ME3: variants seen among roughly 807,000 people sequenced by gnomAD.
The protein encoded by ME3 is NADP-dependent malic enzyme, mitochondrial.
Under a neutral mutation model 68.9 loss-of-function variants are expected in ME3, and 48 were observed. That is an observed-to-expected ratio of 0.70 (90% CI 0.55 to 0.89). The LOEUF is 0.89. Among genes scored for constraint, ME3 ranks in the 40% least tolerant of loss-of-function variants. The probability of loss-of-function intolerance (pLI) is 0.00; values close to 1 mark genes in which losing one functional copy is unlikely to be tolerated. For synonymous variants in ME3, 320 were observed against 318.8 expected, an observed-to-expected ratio of 1.00 and a Z score of -0.04; for missense variants, 675 against 797.4, an observed-to-expected ratio of 0.85 and a Z score of 1.85.
At chr11:86,653,944 G>T (rs1343736030) in intron 2 of ME3, among the ~76,000 whole-genome samples, 1 of 152,000 alleles carries the variant, frequency 6.6e-6, no homozygotes, top group Non-Finnish European at 1.5e-5. Flanking sequence ...AATACAAACT[G>T]CCATCAGAGA....
intron 2 of ME3, among the ~76,000 whole-genome samples, chr11:86,616,871 G>A (rs557468443): frequency 1.3e-5 from 2 of 152,204 alleles, no homozygotes; most frequent in East Asian, 3.9e-4. Flanking sequence ...TCCAAAGAAA[G>A]TCTGGAGTTT....
chr11:86,603,099 G>A (rs551624739), intron 2 of ME3, among the ~76,000 whole-genome samples: 2 of 152,152 alleles, frequency 1.3e-5, no homozygotes, highest in Non-Finnish European at 2.9e-5. Context: ...TTGACAAGTG[G>A]TATCTAATTA....
chr11:86,465,029 C>T (rs1161284406), intron 8 of ME3, 62 bp downstream of exon 8: 1 of 1,343,028 alleles, frequency 7.4e-7, no homozygotes, highest in East Asian at 2.3e-5. Context: ...CTTTGGCATC[C>T]CAGTGAGGTT....
intron 8 of ME3, among the ~76,000 whole-genome samples, chr11:86,459,971 A>G (rs1313363114): frequency 6.6e-6 from 1 of 152,218 alleles, no homozygotes; most frequent in Non-Finnish European, 1.5e-5. Context: ...GGTGGAGGCC[A>G]GGGACCCACG....
chr11:86,598,632 T>C (rs10898506), intron 2 of ME3, among the ~76,000 whole-genome samples: 26,373 of 152,180 alleles, frequency 0.17, 2,636 homozygotes, highest in East Asian at 0.39. Context: ...GATCTGAGAA[T>C]GGGAAGACTG....
chr11:86,665,802 G>T (rs180966878), intron 2 of ME3, among the ~76,000 whole-genome samples: 2 of 151,582 alleles, frequency 1.3e-5, no homozygotes, highest in East Asian at 3.9e-4. Context: ...AGGGTAACAG[G>T]ATTTTCTGGT....
At chr11:86,501,729 C>T (rs534567784) in intron 5 of ME3, among the ~76,000 whole-genome samples, 1 of 152,346 alleles carries the variant, frequency 6.6e-6, no homozygotes, top group East Asian at 1.9e-4. Flanking sequence ...TCAAAAACGT[C>T]CAGTCTTCTT....
At chr11:86,461,878 C>T (rs762716860) in intron 8 of ME3, among the ~76,000 whole-genome samples, 2 of 152,224 alleles carry the variant, frequency 1.3e-5, no homozygotes, top group Non-Finnish European at 2.9e-5. Flanking sequence ...CAGCTGTCCT[C>T]ATGAGTTCTA....
chr11:86,506,848 C>T (rs1953115914), intron 5 of ME3, among the ~76,000 whole-genome samples: 1 of 152,232 alleles, frequency 6.6e-6, no homozygotes, highest in African/African-American at 2.4e-5. Flanking sequence ...AGTAAGCTGG[C>T]TTCCCTTAAT....
At chr11:86,445,205 A>G (rs6592294) in intron 13 of ME3, among the ~76,000 whole-genome samples, 2,469 of 152,342 alleles carry the variant, frequency 0.016, 59 homozygotes, top group African/African-American at 0.056. Context: ...AAAGACAAAC[A>G]GAGTACTCAG....
At chr11:86,551,576 A>G (rs1001796366) in intron 4 of ME3, among the ~76,000 whole-genome samples, 1 of 152,236 alleles carries the variant, frequency 6.6e-6, no homozygotes, top group African/African-American at 2.4e-5. Flanking sequence ...GATGTCTTAG[A>G]TAAGTCAGCT....
intron 4 of ME3, among the ~76,000 whole-genome samples, chr11:86,548,033 T>G (rs1172677499): frequency 4.6e-5 from 7 of 152,238 alleles, no homozygotes; most frequent in Non-Finnish European, 1.0e-4. Flanking sequence ...ACATAATGTC[T>G]GCATTTGTGG....
intron 4 of ME3, among the ~76,000 whole-genome samples, chr11:86,521,911 C>G (rs1047314797): frequency 6.6e-6 from 1 of 152,118 alleles, no homozygotes; most frequent in Non-Finnish European, 1.5e-5. Flanking sequence ...CCATCCATAT[C>G]CACAGGTTCT....
intron 2 of ME3, among the ~76,000 whole-genome samples, chr11:86,594,912 G>A (rs1284089217): frequency 6.9e-6 from 1 of 145,828 alleles, no homozygotes; most frequent in Admixed American, 7.3e-5. Context: ...TGGGGACTGA[G>A]TCAGCAATGA....
chr11:86,458,090 A>G (rs995113783), intron 8 of ME3, among the ~76,000 whole-genome samples: 1 of 152,264 alleles, frequency 6.6e-6, no homozygotes. Flanking sequence ...GGACAGAACA[A>G]CCTCTGCTAT....
At chr11:86,645,165 A>AGTATTTTTTTT (rs1283343464) in intron 2 of ME3, among the ~76,000 whole-genome samples, 4 of 152,140 alleles carry the variant, frequency 2.6e-5, no homozygotes, top group Non-Finnish European at 5.9e-5. Context: ...TAGCTGCAGG[A>AGTATTTTTTTT]GTATTTTTTT....
intron 7 of ME3, among the ~76,000 whole-genome samples, chr11:86,482,450 C>T: frequency 6.6e-6 from 1 of 151,890 alleles, no homozygotes; most frequent in East Asian, 1.9e-4. Context: ...TTTCTCACGC[C>T]TTCCTATAGT....
intron 2 of ME3, among the ~76,000 whole-genome samples, chr11:86,647,914 G>C (rs1945136544): frequency 6.6e-6 from 1 of 152,120 alleles, no homozygotes; most frequent in Non-Finnish European, 1.5e-5. Context: ...GGAGCTAATA[G>C]ACATCTACAG....
intron 8 of ME3, chr11:86,462,765 G>C: frequency 2.1e-6 from 1 of 468,078 alleles, no homozygotes; most frequent in South Asian, 1.6e-5. Flanking sequence ...ACAGGCTTTT[G>C]GGGTACAATG....
Sources: allele counts gnomAD v4.1 joint callset (sites outside exome capture counted in the v4.1 genomes callset), GRCh38; gene constraint gnomAD v4.1.1; transcripts MANE v1.5; gene names NCBI Gene and HGNC (gene_info 2026-07-23, HGNC 2026-07-21).